The following AK8 variants were observed in gnomAD, a reference collection of about 807,000 sequenced individuals.
AK8 encodes the protein adenylate kinase 8.
In AK8, 44 loss-of-function variants were observed where a neutral mutation model predicts 54.6. The ratio of observed to expected loss-of-function variants is 0.81; its 90% CI spans 0.63 to 1.04. The LOEUF is 1.04. AK8 is among the 50% of genes least tolerant of loss of function. The pLI is 0.00. For missense variants in AK8, 555 were observed against 613.6 expected (o/e 0.90, Z 1.01); for synonymous variants, 239 against 245.6 (o/e 0.97, Z 0.25).
chr9:132,852,609 C>CAA (rs35481626), intron 5 of AK8, among the ~76,000 whole-genome samples: 1 of 128,780 alleles, frequency 7.8e-6, no homozygotes, highest in African/African-American at 3.1e-5. Flanking sequence ...GACTCCATCT[C>CAA]AAAAAAAAAA....
chr9:132,812,563 C>CACTGGGATGACGGGTGAGCCGCCGCGCCT (rs1564415180), intron 10 of AK8, among the ~76,000 whole-genome samples: 2 of 150,748 alleles, frequency 1.3e-5, no homozygotes, highest in African/African-American at 2.4e-5. Flanking sequence ...CCGCCGCGCC[C>CACTGGGATGACGGGTGAGCCGCCGCGCCT]GGCCGCTAGG....
At chr9:132,769,751 C>G (rs1280027114) in intron 11 of AK8, 1 of 152,138 alleles carries the variant, frequency 6.6e-6, no homozygotes, top group African/African-American at 2.4e-5. Flanking sequence ...GTAATCAGAT[C>G]GCTGTTAATT....
At chr9:132,763,053 C>T (rs1196289071) in intron 11 of AK8, among the ~76,000 whole-genome samples, 2 of 152,228 alleles carry the variant, frequency 1.3e-5, no homozygotes, top group Non-Finnish European at 2.9e-5. Context: ...GGGGTCCTCA[C>T]AGGCCCTATG....
At chr9:132,815,075 G>A (rs989201168) in intron 9 of AK8, among the ~76,000 whole-genome samples, 1 of 152,254 alleles carries the variant, frequency 6.6e-6, no homozygotes, top group Non-Finnish European at 1.5e-5. Context: ...GCCCTCCAGG[G>A]TGCTGCGGAG....
In AK8 at chr9:132,770,885, G is replaced by C. The variant is rs1838945709; in HGVS notation, c.1121+21749C>G. ...AGGCCCAGCGGTGTGGGCCTCCCCA[G>C]TCAGGGAGATGCTTCCCCCATCTCA... On this transcript the variant is annotated intron_variant, in intron 11 of 12. Transcript: ENST00000298545. This position sits in a 1 kb window ranked among gnomAD's most constrained non-coding sequence, Gnocchi z 4.3. 6.6e-6 allele frequency among the ~76,000 whole-genome samples: 1 copy of C among 152,186 alleles called. No homozygotes were observed. Among genetic ancestry groups the C allele is most frequent in the Non-Finnish European group, 1.5e-5 (1 of 68,020 alleles).
intron 9 of AK8, among the ~76,000 whole-genome samples, chr9:132,820,553 A>AT (rs1357424733): frequency 1.3e-5 from 2 of 152,172 alleles, no homozygotes; most frequent in East Asian, 3.8e-4. Flanking sequence ...CTCCTTACAT[A>AT]TCTGAGTGTT....
At chr9:132,784,966 A>G (rs1839628638) in intron 11 of AK8, among the ~76,000 whole-genome samples, 1 of 152,232 alleles carries the variant, frequency 6.6e-6, no homozygotes, top group Non-Finnish European at 1.5e-5. Flanking sequence ...AGAAAAGCTT[A>G]ATCAATACTG....
intron 2 of AK8, among the ~76,000 whole-genome samples, chr9:132,871,317 C>T (rs113777446): frequency 1.3e-5 from 2 of 152,282 alleles, no homozygotes; most frequent in African/African-American, 4.8e-5. Flanking sequence ...TCCCCTGTCT[C>T]CCTTCCTCCT....
In AK8 at chr9:132,875,029, G is replaced by T; in HGVS notation, c.169+86C>A. The T allele has an allele frequency of 2.0e-6, 3 of 1,528,838 alleles. No individual in the cohort carries two copies. The South Asian group carries it at 3.5e-5, about 18-fold the overall frequency. 94.7% of individuals were successfully genotyped at this position (1,528,838 alleles called of 1,614,324 possible). A position where few individuals can be genotyped will look rare whatever the true frequency, so the allele number is the denominator to read the frequency against. ...CAGGGTTCCTGGAGAGGAAGAGGAG[G>T]AGGAGGCAGAGGAGTCAGGGAAGAA... On this transcript the variant is annotated intron_variant, in intron 2 of 12. Transcript: ENST00000298545.
chr9:132,797,034 C>T (rs982120794), intron 10 of AK8, among the ~76,000 whole-genome samples: 11 of 152,158 alleles, frequency 7.2e-5, no homozygotes, highest in Non-Finnish European at 1.0e-4. Context: ...GGAATGCTCA[C>T]GCTGGTTCCC....
chr9:132,853,731 A>G (rs1170753113), intron 5 of AK8, among the ~76,000 whole-genome samples: 1 of 136,510 alleles, frequency 7.3e-6, no homozygotes, highest in East Asian at 2.4e-4. Flanking sequence ...GGTTGCAGTG[A>G]GCAGTGATCG....
rs1248326871 is a variant in AK8, at chr9:132,860,260, G to A, written c.333+3405C>T. Among the ~76,000 whole-genome samples, 6 of 140,624 alleles carry A rather than the reference G, an allele frequency of 4.3e-5. No individual in the cohort carries two copies. The East Asian group carries it at 6.6e-4, about 15-fold the overall frequency. The allele number at this position is 140,624 out of a possible 152,430, so 92.3% of individuals were successfully genotyped here. ...GCCATAAGAACACCATCTCCTCGGC[G>A]AGATTTATAACTCTGGCTGGCCTGG... On this transcript the variant is annotated intron_variant, in intron 4 of 12. Coordinates refer to ENST00000298545, the MANE Select transcript of AK8 (RefSeq NM_152572.3). The surrounding 1 kb of genome is among the most constrained non-coding windows in gnomAD (Gnocchi z 4.4).
rs185372824 is a variant in AK8 at position 132,748,150 on chromosome 9, T to C, written c.1122-20616A>G. The stretch of plus-strand genomic sequence containing the variant: ...CAAAATCACAAGAACAGGTTTATTG[T>C]TAAAGACGGAAAAGTGTGCATTTTC... On this transcript the variant is annotated intron_variant, in intron 11 of 12. Transcript: ENST00000298545. Among the ~76,000 whole-genome samples, 469 of 151,996 alleles carry C rather than the reference T, an allele frequency of 3.1e-3. 12 individuals are homozygous for C. The highest frequency in any genetic ancestry group is 5.9e-3 in the Non-Finnish European group (400 of 67,880).
intron 5 of AK8, among the ~76,000 whole-genome samples, chr9:132,833,745 C>T (rs1200317193): frequency 6.6e-6 from 1 of 152,240 alleles, no homozygotes; most frequent in Non-Finnish European, 1.5e-5. Context: ...GAAAAGACGC[C>T]AGTCAGCCTG....
intron 11 of AK8, among the ~76,000 whole-genome samples, chr9:132,789,612 AAAAAAAAAAAG>A: frequency 6.6e-6 from 1 of 150,768 alleles, no homozygotes; most frequent in Non-Finnish European, 1.5e-5. Context: ...AAAAAAAAAA[AAAAAAAAAAAG>A]AAAGAAAGAA....
chr9:132,762,632 G>A (rs934369109), intron 11 of AK8, among the ~76,000 whole-genome samples: 1 of 152,132 alleles, frequency 6.6e-6, no homozygotes, highest in Non-Finnish European at 1.5e-5. Flanking sequence ...TAGCCACATA[G>A]AAAACGGAAG....
chr9:132,862,427 G>C (rs1843428531), intron 4 of AK8, among the ~76,000 whole-genome samples: 1 of 151,778 alleles, frequency 6.6e-6, no homozygotes, highest in Admixed American at 6.6e-5. Context: ...TCCTGGGTTT[G>C]AGCAATTCTC....
At chr9:132,788,230 G>A (rs920718179) in intron 11 of AK8, among the ~76,000 whole-genome samples, 18 of 152,256 alleles carry the variant, frequency 1.2e-4, no homozygotes, top group African/African-American at 3.6e-4. Flanking sequence ...AAAAGCTAAC[G>A]CCTTCCAGCT....
chr9:132,749,211 A>G (rs958716633), intron 11 of AK8, among the ~76,000 whole-genome samples: 38 of 151,966 alleles, frequency 2.5e-4, no homozygotes, highest in Non-Finnish European at 1.3e-4. Flanking sequence ...AGCATGCTAC[A>G]TAACATAATT....
Sources: allele counts gnomAD v4.1 joint callset (sites outside exome capture counted in the v4.1 genomes callset), GRCh38; gene constraint gnomAD v4.1.1; non-coding constraint Gnocchi (gnomAD v3.1); transcripts MANE v1.5; gene names NCBI Gene and HGNC (gene_info 2026-07-23, HGNC 2026-07-21).